POLA1: variants seen among roughly 807,000 people sequenced by gnomAD.
POLA1 encodes DNA polymerase alpha catalytic subunit.
POLA1 carries 15 observed loss-of-function variants against 124.0 expected under a neutral mutation model. The observed-to-expected ratio is 0.12, with a 90% CI of 0.08 to 0.19. POLA1 has a LOEUF of 0.19. POLA1 is among the 10% of genes least tolerant of loss of function. The pLI is 1.00. For missense variants in POLA1, 886 were observed against 1,103.4 expected, an observed-to-expected ratio of 0.80 and a Z score of 2.79; for synonymous variants, 408 against 389.4, an observed-to-expected ratio of 1.05 and a Z score of -0.56.
At chrX:24,812,931 G>A (rs954834540) in intron 29 of POLA1, 68 bp downstream of exon 29, 11 of 553,514 alleles carry the variant, frequency 2.0e-5, no homozygotes, top group Non-Finnish European at 3.0e-5. Flanking sequence ...ATGATGTAGA[G>A]AATGCTTATG....
intron 36 of POLA1, among the ~76,000 whole-genome samples, chrX:24,947,660 T>C (rs1488266598): frequency 2.7e-5 from 3 of 111,717 alleles, no homozygotes; most frequent in African/African-American, 9.8e-5. Context: ...TCTTGAAATG[T>C]CTGGAGGCCA....
At chrX:24,906,221 A>G (rs2047364335) in intron 35 of POLA1, among the ~76,000 whole-genome samples, 1 of 112,610 alleles carries the variant, frequency 8.9e-6, no homozygotes, top group African/African-American at 3.2e-5. Flanking sequence ...TTATAGCAGC[A>G]TAATTTGCAA....
chrX:24,764,592 A>G (rs1932857723), intron 26 of POLA1, among the ~76,000 whole-genome samples: 1 of 112,433 alleles, frequency 8.9e-6, no homozygotes, highest in African/African-American at 3.2e-5. Context: ...ACTCAGTTTT[A>G]CTAAATAGAT....
chrX:24,722,558 A>G (rs752292896), intron 10 of POLA1, among the ~76,000 whole-genome samples: 1 of 112,788 alleles, frequency 8.9e-6, no homozygotes, highest in Admixed American at 9.4e-5. Flanking sequence ...ACACAGTTTT[A>G]CATATAGAAA....
chrX:24,876,382 C>G (rs2046932772), intron 34 of POLA1, among the ~76,000 whole-genome samples: 1 of 111,436 alleles, frequency 9.0e-6, no homozygotes, highest in South Asian at 3.8e-4. Context: ...CTTGTGTTGC[C>G]AAGAGGAAAG....
Position 24,821,568 on chromosome X carries a change from A to C in POLA1, c.3546A>C (p.Ser1182=), listed in dbSNP as rs146732787. 7.5e-6 allele frequency: 9 copies of C among 1,198,807 alleles called. No homozygotes were observed. In the African/African-American group the frequency reaches 1.6e-4, roughly 21 times the overall value. Residue 1182 remains serine (S), a synonymous_variant, in exon 31 of 37, where the codon TCA becomes TCC. Coordinates refer to ENST00000379068, the MANE Select transcript of POLA1 (RefSeq NM_001330360.2). ...GRKVKAGDTV[S]YVICQDGSNL... is the part of the protein sequence containing the mutation. The stretch of plus-strand genomic sequence containing the variant: ...AGGTGAAAGCTGGAGATACTGTGTC[A>C]TATGTCATCTGTCAGGTAAACTATT...
intron 26 of POLA1, among the ~76,000 whole-genome samples, chrX:24,758,746 C>T: frequency 8.9e-6 from 1 of 112,488 alleles, no homozygotes; most frequent in Non-Finnish European, 1.9e-5. Flanking sequence ...GCATCGTGAT[C>T]TTGGCTCACT....
Position 24,748,959 on chromosome X carries a change from A to G in POLA1, c.2931A>G (p.Pro977=). ...GFSYSRFYAK[P]LAALVTYKGR... Reference sequence around the variant, plus strand: ...CCTATAGCAGATTTTACGCCAAACCACTGGCTGCCTTGGTGACATACAAAG... The same window carrying G: ...CCTATAGCAGATTTTACGCCAAACCGCTGGCTGCCTTGGTGACATACAAAG... Residue 977 remains proline, a synonymous_variant, in exon 26 of 37, where the codon CCA becomes CCG. Coordinates refer to ENST00000379068, the MANE Select transcript of POLA1 (RefSeq NM_001330360.2). 1.7e-6 allele frequency: 2 copies of G among 1,202,437 alleles called. No individual in the cohort carries two copies. Among genetic ancestry groups the G allele is most frequent in the Non-Finnish European group, 2.3e-6 (2 of 886,991 alleles).
chrX:24,795,670 T>A (rs1442684162), intron 26 of POLA1, among the ~76,000 whole-genome samples: 1 of 98,205 alleles, frequency 1.0e-5, no homozygotes, highest in African/African-American at 5.1e-5. Context: ...AGATTTTTTT[T>A]TTTTTTTTTT....
chrX:24,978,884 C>CT (rs1050409060), intron 36 of POLA1, among the ~76,000 whole-genome samples: 4 of 112,109 alleles, frequency 3.6e-5, no homozygotes, highest in Non-Finnish European at 5.6e-5. Context: ...ACTTACAGCT[C>CT]TTTTTTTCCA....
At chrX:24,894,992 T>G (rs2047189821) in intron 35 of POLA1, among the ~76,000 whole-genome samples, 1 of 110,572 alleles carries the variant, frequency 9.0e-6, no homozygotes, top group African/African-American at 3.3e-5. Context: ...CAGGCAGGTC[T>G]TGAAATCCTG....
chrX:24,736,511 G>A (rs1931284549), intron 18 of POLA1, among the ~76,000 whole-genome samples: 1 of 111,722 alleles, frequency 9.0e-6, no homozygotes, highest in African/African-American at 3.3e-5. Flanking sequence ...TTAGAGCCAA[G>A]TCTATGCGTG....
chrX:24,867,424 T>C (rs887968858), intron 34 of POLA1, among the ~76,000 whole-genome samples: 2 of 111,765 alleles, frequency 1.8e-5, no homozygotes, highest in African/African-American at 6.5e-5. Context: ...CCTAATACAA[T>C]TATAAGGACT....
chrX:24,949,464 T>C (rs1348222731), intron 36 of POLA1, among the ~76,000 whole-genome samples: 1 of 110,553 alleles, frequency 9.0e-6, no homozygotes, highest in African/African-American at 3.3e-5. Context: ...CTCATTTCTG[T>C]TATTCATGTG....
chrX:24,927,183 G>A (rs1336776835), intron 35 of POLA1, among the ~76,000 whole-genome samples: 3 of 110,121 alleles, frequency 2.7e-5, no homozygotes, highest in Non-Finnish European at 5.7e-5. Context: ...TTTGCAGCCA[G>A]GTAAGGGACC....
chrX:24,700,634 G>A (rs1414618763), intron 2 of POLA1, among the ~76,000 whole-genome samples: 3 of 111,544 alleles, frequency 2.7e-5, no homozygotes, highest in Non-Finnish European at 3.8e-5. Flanking sequence ...TCAGCTTCCC[G>A]AGTAGCTGGG....
intron 32 of POLA1, among the ~76,000 whole-genome samples, chrX:24,836,415 G>T (rs187720876): frequency 1.9e-3 from 209 of 111,992 alleles, no homozygotes; most frequent in African/African-American, 5.8e-3. Context: ...GGACATGTAT[G>T]TTTACTTTTA....
intron 36 of POLA1, among the ~76,000 whole-genome samples, chrX:24,974,373 G>A (rs2048340601): frequency 9.0e-6 from 1 of 111,455 alleles, no homozygotes; most frequent in Admixed American, 9.5e-5. Context: ...ATGTTAGTAG[G>A]TTAAGATAGC....
At chrX:24,785,779 T>C (rs368608822) in intron 26 of POLA1, among the ~76,000 whole-genome samples, 108 of 112,143 alleles carry the variant, frequency 9.6e-4, no homozygotes, top group African/African-American at 3.4e-3. Context: ...CGTCCATCAC[T>C]ATGCATGCTG....
Sources: gnomAD v4.1 joint callset for allele counts (sites outside exome capture counted in the v4.1 genomes callset) on GRCh38, gnomAD v4.1.1 for gene constraint, MANE v1.5 for transcripts, NCBI Gene and HGNC (gene_info 2026-07-23, HGNC 2026-07-21) for gene names.